Variants in TMEM266 observed in about 807,000 individuals in gnomAD.
TMEM266 encodes the protein Hv1 related protein 1.
TMEM266 carries 33 observed loss-of-function variants against 50.5 expected under a neutral mutation model. That is an observed-to-expected ratio of 0.65 (90% CI 0.50 to 0.87). The LOEUF (loss-of-function observed/expected upper bound fraction) is 0.87. TMEM266 is among the 40% of genes least tolerant of loss of function. The pLI is 0.00. For missense variants in TMEM266, 655 were observed against 695.1 expected (o/e 0.94, Z 0.65); for synonymous variants, 310 against 292.3 (o/e 1.06, Z -0.62).
chr15:76,072,729 C>T (rs2036555428), intron 1 of TMEM266, among the ~76,000 whole-genome samples: 2 of 151,950 alleles, frequency 1.3e-5, no homozygotes, highest in Admixed American at 1.3e-4. Flanking sequence ...GCTCTGCCTC[C>T]CGGGTTCAAG....
In TMEM266 at chr15:76,204,451, G is replaced by A. The variant is rs2038804993; in HGVS notation, c.*136G>A. 2.5e-6 allele frequency: 2 copies of A among 794,238 alleles called. No homozygotes were observed. The highest frequency in any genetic ancestry group is 3.9e-6 in the Non-Finnish European group (2 of 512,016). The allele number at this position is 794,238 out of a possible 1,614,324, so 49.2% of individuals were successfully genotyped here. On this transcript the variant is annotated 3_prime_UTR_variant, in exon 11 of 11. Coordinates refer to ENST00000388942, the MANE Select transcript of TMEM266 (RefSeq NM_152335.3). The stretch of plus-strand genomic sequence containing the variant: ...CCTCAGGGTGCTGCCTGCCTCCAGG[G>A]AGGCGACGCCAGGCCAGGAGGCCAC...
In TMEM266 at chr15:76,200,987, G is replaced by C. The variant is rs567534513; in HGVS notation, c.959-1215G>C. ...GCTTCTGCAGCTCACAGGTGTGCCT[G>C]GGAGGGGCCCTCAGAACACAGTGGG... On this transcript the variant is annotated intron_variant, in intron 9 of 10. Coordinates refer to ENST00000388942, the MANE Select transcript of TMEM266 (RefSeq NM_152335.3). Among the ~76,000 whole-genome samples the C allele has an allele frequency of 3.3e-5, 5 of 152,228 alleles. No individual in the cohort carries two copies. The South Asian group carries it at 1.0e-3, about 32-fold the overall frequency.
chr15:76,111,383 A>G lies in TMEM266; in HGVS notation c.-96-22785A>G, dbSNP rs560218294. On this transcript the variant is annotated intron_variant, in intron 1 of 10. Transcript: ENST00000388942. ...GAGCCACTGTACCCGGCCCAGCCAT[A>G]TACTCTTGTGTCTGTTAACCTGTTA... 2.0e-5 allele frequency among the ~76,000 whole-genome samples: 3 copies of G among 149,268 alleles called. No homozygotes were observed. In the South Asian group the frequency reaches 6.4e-4, roughly 32 times the overall value.
At position 76,146,072 on chromosome 15, in the gene TMEM266, C is replaced by T. The variant is rs150602432; in HGVS notation, c.227+8177C>T. On this transcript the variant is annotated intron_variant, in intron 3 of 10. Transcript: ENST00000388942. The stretch of plus-strand genomic sequence containing the variant: ...AATGGAAGTTCTGTTTTCTCTTAAC[C>T]AAGCACAGTACATTGAAGGTCTGGT... Among the ~76,000 whole-genome samples, 9 of 152,294 alleles carry T rather than the reference C, an allele frequency of 5.9e-5. No homozygotes were observed. In the East Asian group the frequency reaches 1.5e-3, roughly 26 times the overall value.
chr15:76,165,059 T>C (rs2038073941), intron 5 of TMEM266, among the ~76,000 whole-genome samples: 1 of 152,266 alleles, frequency 6.6e-6, no homozygotes. Flanking sequence ...CTGATTCTGC[T>C]GAGGGGAGGG....
At chr15:76,068,686 A>T (rs2036482124) in intron 1 of TMEM266, among the ~76,000 whole-genome samples, 2 of 152,204 alleles carry the variant, frequency 1.3e-5, no homozygotes, top group African/African-American at 2.4e-5. Flanking sequence ...GCTGTCTGCA[A>T]GCCAGGAAGA....
intron 9 of TMEM266, among the ~76,000 whole-genome samples, chr15:76,193,844 G>T (rs927632181): frequency 1.3e-5 from 2 of 152,182 alleles, no homozygotes; most frequent in African/African-American, 4.8e-5. Context: ...TCTCCTCCAG[G>T]GACCATCACC....
chr15:76,097,663 TTC>T (rs1176518793), intron 1 of TMEM266, among the ~76,000 whole-genome samples: 30 of 152,122 alleles, frequency 2.0e-4, no homozygotes, highest in African/African-American at 7.0e-4. Flanking sequence ...GTTGGGGAAG[TTC>T]TCCCCAACCT....
intron 1 of TMEM266, chr15:76,109,094 A>T (rs1268707467): frequency 1.3e-5 from 2 of 152,180 alleles, no homozygotes; most frequent in African/African-American, 2.4e-5. Context: ...AGATCTTTGT[A>T]TCAGATGTTC....
At position 76,091,631 on chromosome 15, in the gene TMEM266, T is replaced by C. The variant is rs553898400; in HGVS notation, c.-97+31615T>C. 3.9e-5 allele frequency among the ~76,000 whole-genome samples: 6 copies of C among 152,162 alleles called. No homozygotes were observed. In the South Asian group the frequency reaches 1.2e-3, roughly 32 times the overall value. ...TTTCATAAAATGGAGAAAACATTTA[T>C]TTCTGCTTCCTGTTTCTACTTTCTA... is the stretch of plus-strand genomic sequence containing the variant. On this transcript the variant is annotated intron_variant, in intron 1 of 10. Transcript: ENST00000388942.
chr15:76,072,630 C>T (rs2036553870), intron 1 of TMEM266, among the ~76,000 whole-genome samples: 1 of 151,754 alleles, frequency 6.6e-6, no homozygotes, highest in Non-Finnish European at 1.5e-5. Context: ...AATAATTTCT[C>T]TACTTTTTTT....
rs2037652033 is a variant in TMEM266, at chr15:76,139,938, C to T, written c.227+2043C>T. ...CCTGTGATGTACCCCTTTCAGGGGTCCTGTGCTGTGGTGTACCCCTTTCCA... is the reference window on the plus strand; with the variant it reads ...CCTGTGATGTACCCCTTTCAGGGGTTCTGTGCTGTGGTGTACCCCTTTCCA... On this transcript the variant is annotated intron_variant, in intron 3 of 10. Coordinates refer to ENST00000388942, the MANE Select transcript of TMEM266 (RefSeq NM_152335.3). This position sits in a 1 kb window ranked among gnomAD's most constrained non-coding sequence, Gnocchi z 4.1. Among the ~76,000 whole-genome samples, 1 of 152,226 alleles carries T rather than the reference C, an allele frequency of 6.6e-6. No homozygotes were observed. The highest frequency in any genetic ancestry group is 1.5e-5 in the Non-Finnish European group (1 of 68,034).
At chr15:76,143,686 C>T (rs2037715223) in intron 3 of TMEM266, among the ~76,000 whole-genome samples, 2 of 152,152 alleles carry the variant, frequency 1.3e-5, no homozygotes, top group Admixed American at 6.5e-5. Context: ...CCATCTCTGG[C>T]TGTTCCTTCC....
chr15:76,137,926 A>G (rs1450826874), intron 3 of TMEM266, 31 bp downstream of exon 3: 10 of 1,529,028 alleles, frequency 6.5e-6, no homozygotes, highest in Non-Finnish European at 8.8e-6. Context: ...GCTAGCTAAG[A>G]AGTCCCTGGG....
chr15:76,199,668 T>C (rs1021515174), intron 9 of TMEM266, among the ~76,000 whole-genome samples: 1 of 152,156 alleles, frequency 6.6e-6, no homozygotes. Flanking sequence ...CTTGGCACAG[T>C]CTATTCAATA....
At chr15:76,186,723 C>G (rs1019676116) in intron 8 of TMEM266, among the ~76,000 whole-genome samples, 1 of 152,238 alleles carries the variant, frequency 6.6e-6, no homozygotes. Context: ...CCACTCTGGC[C>G]CCATCCAATC....
At chr15:76,103,868 C>T (rs1351756510) in intron 1 of TMEM266, among the ~76,000 whole-genome samples, 1 of 148,606 alleles carries the variant, frequency 6.7e-6, no homozygotes, top group Non-Finnish European at 1.5e-5. Flanking sequence ...GTCAAGATTG[C>T]ACCACTGCAC....
intron 8 of TMEM266, 147 bp from the exon 9 acceptor site, chr15:76,191,821 G>A (rs1352749466): frequency 1.2e-5 from 9 of 723,398 alleles, no homozygotes; most frequent in African/African-American, 3.8e-5. Context: ...GATGCTGGGA[G>A]ATTCCTAAGG....
At chr15:76,109,439 ATAAT>A (rs1162853771) in intron 1 of TMEM266, among the ~76,000 whole-genome samples, 3 of 152,240 alleles carry the variant, frequency 2.0e-5, no homozygotes, top group Non-Finnish European at 4.4e-5. Flanking sequence ...CACAGCAGTG[ATAAT>A]TAAACATTTT....
Sources: gnomAD v4.1 joint callset for allele counts (sites outside exome capture counted in the v4.1 genomes callset) on GRCh38, gnomAD v4.1.1 for gene constraint, Gnocchi (gnomAD v3.1) non-coding constraint, MANE v1.5 for transcripts, NCBI Gene and HGNC (gene_info 2026-07-23, HGNC 2026-07-21) for gene names.